SYT1: variants seen among roughly 807,000 people sequenced by gnomAD.
The protein encoded by SYT1 is synaptotagmin-1.
In SYT1, 8 loss-of-function variants were observed where a neutral mutation model predicts 44.8. The observed-to-expected ratio is 0.18, with a 90% CI of 0.10 to 0.32. The LOEUF is 0.32. Ranked by LOEUF, SYT1 falls within the 10% of genes least tolerant of loss-of-function variation. SYT1 has a pLI of 1.00. For synonymous variants in SYT1, 154 were observed against 188.8 expected, an observed-to-expected ratio of 0.82 and a Z score of 1.51; for missense variants, 286 against 509.3, an observed-to-expected ratio of 0.56 and a Z score of 4.22.
chr12:79,260,716 T>C (rs918270485), intron 4 of SYT1, among the ~76,000 whole-genome samples: 1 of 152,222 alleles, frequency 6.6e-6, no homozygotes, highest in Non-Finnish European at 1.5e-5. Flanking sequence ...TATTCAAAAG[T>C]TGAAATTAGG....
At chr12:79,054,280 T>G (rs1449108044) in intron 3 of SYT1, among the ~76,000 whole-genome samples, 1 of 152,056 alleles carries the variant, frequency 6.6e-6, no homozygotes, top group Non-Finnish European at 1.5e-5. Flanking sequence ...AAATACTTAA[T>G]GTGCACACGT....
At chr12:78,878,027 T>G (rs2137050426) in intron 1 of SYT1, among the ~76,000 whole-genome samples, 1 of 151,990 alleles carries the variant, frequency 6.6e-6, no homozygotes, top group East Asian at 1.9e-4. Context: ...GCACCAATGC[T>G]GTTATTGGCC....
rs59721146 is a variant in SYT1 at position 79,445,990 on chromosome 12, CATATATATATATATATAT to C, written c.1062+1811_1062+1828del. Among the ~76,000 whole-genome samples the C allele has an allele frequency of 4.6e-3, 205 of 44,154 alleles. 5 individuals are homozygous for C. Among genetic ancestry groups the C allele is most frequent in the East Asian group, 0.013 (16 of 1,276 alleles). The allele number at this position is 44,154 out of a possible 152,430, so 29.0% of individuals were successfully genotyped here. A position where few individuals can be genotyped will look rare whatever the true frequency, so the allele number is the denominator to read the frequency against. On this transcript the variant is annotated intron_variant, in intron 10 of 10. Coordinates refer to ENST00000261205, the MANE Select transcript of SYT1 (RefSeq NM_005639.3). ...CTTCATGGAAACATTAATCCAAAGA[CATATATATATATATATAT>C]ATATATATATATATATATATATATA... is the stretch of plus-strand genomic sequence containing the variant.
At chr12:79,068,981 A>G (rs906813909) in intron 3 of SYT1, among the ~76,000 whole-genome samples, 4 of 152,334 alleles carry the variant, frequency 2.6e-5, no homozygotes, top group Admixed American at 2.0e-4. Flanking sequence ...ACCTGTTTCC[A>G]TCTATGTCAG....
intron 9 of SYT1, among the ~76,000 whole-genome samples, chr12:79,362,231 A>G (rs1883345550): frequency 6.6e-6 from 1 of 152,200 alleles, no homozygotes; most frequent in Non-Finnish European, 1.5e-5. Flanking sequence ...GGTAAATTTA[A>G]AAAATCTAGC....
chr12:78,983,665 A>C (rs916412784), intron 2 of SYT1, among the ~76,000 whole-genome samples: 7 of 152,102 alleles, frequency 4.6e-5, no homozygotes, highest in Non-Finnish European at 1.0e-4. Flanking sequence ...ACACATATAA[A>C]TGTCTGAATA....
intron 1 of SYT1, among the ~76,000 whole-genome samples, chr12:78,961,357 C>T (rs1443669665): frequency 6.6e-6 from 1 of 152,078 alleles, no homozygotes; most frequent in Non-Finnish European, 1.5e-5. Flanking sequence ...GATCCTCCCA[C>T]CTCAGCCTCC....
At chr12:79,104,507 G>GTTTC in intron 3 of SYT1, among the ~76,000 whole-genome samples, 1 of 152,146 alleles carries the variant, frequency 6.6e-6, no homozygotes, top group South Asian at 2.1e-4. Context: ...AAGTCCTGAT[G>GTTTC]TTTCATCAGG....
chr12:79,128,553 A>G (rs984375630), intron 3 of SYT1, among the ~76,000 whole-genome samples: 5 of 152,242 alleles, frequency 3.3e-5, no homozygotes, highest in African/African-American at 1.2e-4. Flanking sequence ...GGTGCACTCA[A>G]GTTGCAAGGA....
intron 3 of SYT1, among the ~76,000 whole-genome samples, chr12:79,148,073 A>G (rs1421098274): frequency 6.6e-6 from 1 of 152,254 alleles, no homozygotes; most frequent in Non-Finnish European, 1.5e-5. Context: ...TCAAAAAGAC[A>G]AAAAGTTTGT....
chr12:78,892,555 C>T (rs1360818409), intron 1 of SYT1, among the ~76,000 whole-genome samples: 2 of 151,548 alleles, frequency 1.3e-5, no homozygotes, highest in African/African-American at 2.4e-5. Flanking sequence ...TAGGAGCCGC[C>T]CCGATCAAAT....
rs1446150143 is a variant in SYT1, at chr12:79,051,267, T to A, written c.-18+3905T>A. ...TGTATTTTGATATAGTTTATTAGAATGATGTTTATAAAAGTTATATATCTC... is the reference window on the plus strand; with the variant it reads ...TGTATTTTGATATAGTTTATTAGAAAGATGTTTATAAAAGTTATATATCTC... On this transcript the variant is annotated intron_variant, in intron 3 of 10. Coordinates refer to ENST00000261205, the MANE Select transcript of SYT1 (RefSeq NM_005639.3). Among the ~76,000 whole-genome samples the A allele has an allele frequency of 3.3e-5, 5 of 151,206 alleles. No homozygotes were observed. In the Admixed American group the frequency reaches 3.3e-4, roughly 10 times the overall value.
At chr12:78,930,657 T>A (rs1428916066) in intron 1 of SYT1, among the ~76,000 whole-genome samples, 1 of 150,894 alleles carries the variant, frequency 6.6e-6, no homozygotes, top group East Asian at 2.0e-4. Flanking sequence ...CTTCCCAACC[T>A]CCTCCATTGG....
chr12:79,320,739 C>T (rs1219679034), intron 8 of SYT1, among the ~76,000 whole-genome samples: 2 of 149,630 alleles, frequency 1.3e-5, no homozygotes, highest in African/African-American at 4.9e-5. Flanking sequence ...TCTCCTGCCT[C>T]AGCCTCCCAA....
intron 1 of SYT1, among the ~76,000 whole-genome samples, chr12:78,945,263 T>G (rs1047645812): frequency 6.6e-6 from 1 of 152,096 alleles, no homozygotes; most frequent in African/African-American, 2.4e-5. Flanking sequence ...CACCTTAACT[T>G]GATTTTTTTT....
intron 9 of SYT1, among the ~76,000 whole-genome samples, chr12:79,371,198 G>A (rs1257437854): frequency 6.6e-6 from 1 of 152,094 alleles, no homozygotes; most frequent in Non-Finnish European, 1.5e-5. Context: ...AGGTCACAAG[G>A]TAAAGAAATG....
intron 2 of SYT1, among the ~76,000 whole-genome samples, chr12:78,979,159 T>G (rs961162402): frequency 3.9e-5 from 6 of 152,192 alleles, no homozygotes; most frequent in African/African-American, 1.4e-4. Context: ...TACTTCAGTT[T>G]TCTAGGAAAT....
intron 3 of SYT1, among the ~76,000 whole-genome samples, chr12:79,060,452 C>A (rs563291560): frequency 6.6e-6 from 1 of 152,102 alleles, no homozygotes; most frequent in African/African-American, 2.4e-5. Context: ...AAGTGAAACT[C>A]CGTACATATT....
At chr12:79,307,603 G>C (rs1270409765) in intron 8 of SYT1, among the ~76,000 whole-genome samples, 1 of 150,552 alleles carries the variant, frequency 6.6e-6, no homozygotes, top group Non-Finnish European at 1.5e-5. Context: ...GCCCGGGGAT[G>C]GTCGGAAGGG....
Sources: gnomAD v4.1 joint callset for allele counts (sites outside exome capture counted in the v4.1 genomes callset) on GRCh38, gnomAD v4.1.1 for gene constraint, MANE v1.5 for transcripts, NCBI Gene and HGNC (gene_info 2026-07-23, HGNC 2026-07-21) for gene names.